Variants in DLGAP1 observed in about 807,000 individuals in gnomAD.
DLGAP1 encodes disks large-associated protein 1.
Under a neutral mutation model 90.8 loss-of-function variants are expected in DLGAP1, and 11 were observed. The observed-to-expected ratio is 0.12, with a 90% CI of 0.08 to 0.20. The LOEUF is 0.20. DLGAP1 is among the 10% of genes least tolerant of loss of function. The probability of loss-of-function intolerance (pLI) is 1.00; values close to 1 mark genes in which losing one functional copy is unlikely to be tolerated. For synonymous variants in DLGAP1, 558 were observed against 540.7 expected, an observed-to-expected ratio of 1.03 and a Z score of -0.44; for missense variants, 1,050 against 1,333.8, an observed-to-expected ratio of 0.79 and a Z score of 3.31.
intron 9 of DLGAP1, among the ~76,000 whole-genome samples, chr18:3,544,754 T>TATTTA (rs2052913978): frequency 6.6e-6 from 1 of 151,606 alleles, no homozygotes; most frequent in Non-Finnish European, 1.5e-5. Flanking sequence ...TTTATTTATT[T>TATTTA]TTGAGACAAG....
chr18:3,637,916 C>T (rs2146272029), intron 7 of DLGAP1, among the ~76,000 whole-genome samples: 1 of 149,132 alleles, frequency 6.7e-6, no homozygotes, highest in African/African-American at 2.5e-5. Context: ...GTTGCATTAT[C>T]ACTATTGTAG....
At chr18:3,826,106 T>C (rs1157305349) in intron 4 of DLGAP1, among the ~76,000 whole-genome samples, 1 of 152,054 alleles carries the variant, frequency 6.6e-6, no homozygotes, top group East Asian at 1.9e-4. Context: ...ATGGCAACAG[T>C]AGACACTGAG....
At chr18:3,608,461 T>C (rs1954447074) in intron 7 of DLGAP1, 1 of 152,238 alleles carries the variant, frequency 6.6e-6, no homozygotes, top group Admixed American at 6.5e-5. Flanking sequence ...TATTTTGCCA[T>C]CTTAGTCACT....
intron 4 of DLGAP1, among the ~76,000 whole-genome samples, chr18:3,863,374 TA>T (rs2070198888): frequency 6.6e-6 from 1 of 152,226 alleles, no homozygotes; most frequent in Non-Finnish European, 1.5e-5. Context: ...CTCTTCCTTT[TA>T]CTTGGGATCT....
At chr18:4,125,887 C>T (rs73386712) in intron 2 of DLGAP1, among the ~76,000 whole-genome samples, 4,914 of 152,178 alleles carry the variant, frequency 0.032, 278 homozygotes, top group African/African-American at 0.11. Flanking sequence ...GTGGCTGCTA[C>T]GAACATTTCC....
chr18:3,852,590 A>C (rs55641692), intron 4 of DLGAP1, among the ~76,000 whole-genome samples: 23,720 of 152,176 alleles, frequency 0.16, 1,982 homozygotes, highest in South Asian at 0.26. Flanking sequence ...ACCTGTGGCC[A>C]GTGTTTAAAT....
At chr18:4,108,586 T>C (rs2075912635) in intron 2 of DLGAP1, among the ~76,000 whole-genome samples, 1 of 121,834 alleles carries the variant, frequency 8.2e-6, no homozygotes, top group African/African-American at 3.7e-5. Context: ...TTGAAAATTT[T>C]ATTTATTAGC....
intron 10 of DLGAP1, among the ~76,000 whole-genome samples, chr18:3,521,802 G>A (rs1351567796): frequency 6.6e-6 from 1 of 152,172 alleles, no homozygotes; most frequent in Non-Finnish European, 1.5e-5. Flanking sequence ...GAAGGAATAT[G>A]CTTTGAAATT....
chr18:4,154,932 G>A (rs2144441164), intron 1 of DLGAP1, among the ~76,000 whole-genome samples: 1 of 152,222 alleles, frequency 6.6e-6, no homozygotes, highest in East Asian at 1.9e-4. Flanking sequence ...CAAATAAACA[G>A]AAAGTAAATA....
At chr18:4,337,008 G>A (rs774009425) in intron 1 of DLGAP1, among the ~76,000 whole-genome samples, 5 of 150,844 alleles carry the variant, frequency 3.3e-5, no homozygotes, top group Admixed American at 1.3e-4. Flanking sequence ...CAGCTACTCC[G>A]GAGGCTGAGG....
chr18:4,340,497 C>G (rs1486187082), intron 1 of DLGAP1, among the ~76,000 whole-genome samples: 2 of 152,264 alleles, frequency 1.3e-5, no homozygotes, highest in Middle Eastern at 3.4e-3. Context: ...TTGCTGTACA[C>G]TCTTAGTAAC....
At chr18:4,083,604 A>G (rs771126476) in intron 2 of DLGAP1, among the ~76,000 whole-genome samples, 2 of 152,250 alleles carry the variant, frequency 1.3e-5, no homozygotes, top group Non-Finnish European at 1.5e-5. Flanking sequence ...AGCATTAATC[A>G]TGCTGTACTT....
At position 4,447,312 on chromosome 18, in the gene DLGAP1, T is replaced by C. The variant is rs530649194; in HGVS notation, c.-267+7694A>G. Among the ~76,000 whole-genome samples the C allele has an allele frequency of 1.8e-4, 28 of 152,036 alleles. 1 individual carries two copies. In the East Asian group the frequency reaches 5.4e-3, roughly 29 times the overall value. On this transcript the variant is annotated intron_variant, in intron 1 of 12. Transcript: ENST00000315677. ...TCTACAATGGAATACCATATATCAG[T>C]AAAAATGAATAAATCAGATCTACAT...
chr18:3,508,156 G>T (rs1353340917), intron 11 of DLGAP1, among the ~76,000 whole-genome samples: 1 of 152,194 alleles, frequency 6.6e-6, no homozygotes, highest in Non-Finnish European at 1.5e-5. Context: ...AGAGAACTCA[G>T]ATTAGGAAAT....
At chr18:3,761,543 G>A (rs534564752) in intron 5 of DLGAP1, among the ~76,000 whole-genome samples, 3 of 151,794 alleles carry the variant, frequency 2.0e-5, no homozygotes, top group Non-Finnish European at 2.9e-5. Flanking sequence ...TGATGAGTAC[G>A]AGTGTATCTG....
At chr18:4,202,969 C>T (rs2077635794) in intron 1 of DLGAP1, among the ~76,000 whole-genome samples, 1 of 152,108 alleles carries the variant, frequency 6.6e-6, no homozygotes, top group Admixed American at 6.5e-5. Context: ...GTCCTTAAAT[C>T]ACCTGATTAA....
intron 1 of DLGAP1, among the ~76,000 whole-genome samples, chr18:4,400,107 C>T (rs964658057): frequency 8.5e-5 from 13 of 152,150 alleles, no homozygotes; most frequent in African/African-American, 3.1e-4. Context: ...CCACCTGCAC[C>T]ACATCCCCAG....
At chr18:4,283,075 A>G (rs1206347924) in intron 1 of DLGAP1, among the ~76,000 whole-genome samples, 1 of 152,216 alleles carries the variant, frequency 6.6e-6, no homozygotes, top group Non-Finnish European at 1.5e-5. Flanking sequence ...TGCAGGCTCA[A>G]TATTAGTCTA....
At chr18:3,705,140 A>G (rs342489) in intron 7 of DLGAP1, among the ~76,000 whole-genome samples, 147,804 of 152,296 alleles carry the variant, frequency 0.97, 71,765 homozygotes, top group East Asian at 1. Context: ...AGAGAAACAC[A>G]CATAATTTGG....
Sources: allele counts gnomAD v4.1 joint callset (sites outside exome capture counted in the v4.1 genomes callset), GRCh38; gene constraint gnomAD v4.1.1; transcripts MANE v1.5; gene names NCBI Gene and HGNC (gene_info 2026-07-23, HGNC 2026-07-21).